The following TMEM217B variants were observed in gnomAD, a reference collection of about 807,000 sequenced individuals.
TMEM217B encodes putative transmembrane protein 217B.
chr6:37,243,706 C>G, the TMEM217B span, among the ~76,000 whole-genome samples: 1 of 152,174 alleles, frequency 6.6e-6, no homozygotes, highest in Non-Finnish European at 1.5e-5. Flanking sequence ...TCAAGCGATT[C>G]TCCTGCCTCA....
At chr6:37,212,621 T>C in the TMEM217B span, 5 of 508,032 alleles carry the variant, frequency 9.8e-6, no homozygotes, top group South Asian at 7.7e-5. Context: ...TAACTCAGCG[T>C]CTTGAAGTGA....
chr6:37,220,324 A>G, the TMEM217B span, among the ~76,000 whole-genome samples: 1 of 152,348 alleles, frequency 6.6e-6, no homozygotes. Context: ...ACAGCAATGC[A>G]GGGTAAAGAA....
the TMEM217B span, among the ~76,000 whole-genome samples, chr6:37,229,209 C>CAGG: frequency 0.05 from 7,624 of 151,910 alleles, 639 homozygotes; most frequent in African/African-American, 0.17. Flanking sequence ...TTTTACCTGT[C>CAGG]AGATTTACTA....
At chr6:37,228,596 C>T in the TMEM217B span, among the ~76,000 whole-genome samples, 4 of 152,182 alleles carry the variant, frequency 2.6e-5, no homozygotes, top group South Asian at 2.1e-4. Flanking sequence ...CCCAGATACT[C>T]GGGAGGCTGA....
chr6:37,253,582 T>C, the TMEM217B span, among the ~76,000 whole-genome samples: 4 of 152,350 alleles, frequency 2.6e-5, no homozygotes, highest in Admixed American at 2.6e-4. Flanking sequence ...CAGCTTGACC[T>C]CACTATCTCT....
chr6:37,249,707 A>G, the TMEM217B span, among the ~76,000 whole-genome samples: 1 of 152,190 alleles, frequency 6.6e-6, no homozygotes, highest in Non-Finnish European at 1.5e-5. Context: ...TTCCCTTAGG[A>G]TCTGACTTTG....
the TMEM217B span, among the ~76,000 whole-genome samples, chr6:37,229,748 A>G: frequency 6.6e-6 from 1 of 152,128 alleles, no homozygotes; most frequent in Non-Finnish European, 1.5e-5. Context: ...CTTCTCCTTA[A>G]TGTGCTGACT....
At chr6:37,230,537 G>T in the TMEM217B span, among the ~76,000 whole-genome samples, 1 of 152,152 alleles carries the variant, frequency 6.6e-6, no homozygotes, top group Non-Finnish European at 1.5e-5. Flanking sequence ...CTTATAAGAA[G>T]AGAAGATTAG....
the TMEM217B span, chr6:37,218,482 T>C: frequency 6.2e-7 from 1 of 1,613,962 alleles, no homozygotes; most frequent in Non-Finnish European, 8.5e-7. Flanking sequence ...CACTCGAAAT[T>C]GATAATCTTT....
chr6:37,215,172 G>T, the TMEM217B span: 1 of 1,610,680 alleles, frequency 6.2e-7, no homozygotes, highest in Non-Finnish European at 8.5e-7. Flanking sequence ...AGGTCCTCTG[G>T]TACATTCTAT....
chr6:37,251,205 G>T, the TMEM217B span, among the ~76,000 whole-genome samples: 2 of 152,120 alleles, frequency 1.3e-5, no homozygotes, highest in African/African-American at 4.8e-5. Context: ...ATTTTTTCAT[G>T]TCAGACAGGT....
the TMEM217B span, chr6:37,215,106 A>G: frequency 6.5e-7 from 1 of 1,531,918 alleles, no homozygotes; most frequent in South Asian, 1.2e-5. Context: ...CACCCTCGGC[A>G]CCTCTCTCTT....
chr6:37,254,988 C>T, the TMEM217B span, among the ~76,000 whole-genome samples: 1 of 152,158 alleles, frequency 6.6e-6, no homozygotes, highest in African/African-American at 2.4e-5. Context: ...GTTCAAACTC[C>T]TGTGAGAATC....
chr6:37,228,097 G>A, the TMEM217B span, among the ~76,000 whole-genome samples: 2 of 152,120 alleles, frequency 1.3e-5, no homozygotes, highest in African/African-American at 4.8e-5. Flanking sequence ...TGAGGTTGAG[G>A]GGTATGAAGA....
the TMEM217B span, chr6:37,218,625 T>C: frequency 4.3e-6 from 7 of 1,614,088 alleles, no homozygotes; most frequent in Non-Finnish European, 5.9e-6. Flanking sequence ...TGCATGACTG[T>C]ACGAGACACC....
chr6:37,228,783 G>A, the TMEM217B span, among the ~76,000 whole-genome samples: 1 of 151,718 alleles, frequency 6.6e-6, no homozygotes, highest in Admixed American at 6.6e-5. Flanking sequence ...GGATCACAAG[G>A]TCAGGAGATC....
the TMEM217B span, among the ~76,000 whole-genome samples, chr6:37,243,575 CA>C: frequency 1.3e-5 from 2 of 152,158 alleles, no homozygotes; most frequent in African/African-American, 4.8e-5. Context: ...TCAATCTCCC[CA>C]AAGGCTCAGA....
At chr6:37,215,560 G>T in the TMEM217B span, among the ~76,000 whole-genome samples, 1 of 107,086 alleles carries the variant, frequency 9.3e-6, no homozygotes, top group African/African-American at 4.2e-5. Flanking sequence ...TGCAGAGCGA[G>T]ACTCTGTCTC....
At chr6:37,218,212 C>T in the TMEM217B span, 54 of 1,280,218 alleles carry the variant, frequency 4.2e-5, no homozygotes, top group African/African-American at 7.0e-4. Flanking sequence ...CTCTGTCACT[C>T]AGGCTGAAGT....
Sources: gnomAD v4.1 joint callset for allele counts (sites outside exome capture counted in the v4.1 genomes callset) on GRCh38, gnomAD v4.1.1 for gene constraint, MANE v1.5 for transcripts, NCBI Gene and HGNC (gene_info 2026-07-23, HGNC 2026-07-21) for gene names.